The following WWOX variants were observed in gnomAD, a reference collection of about 807,000 sequenced individuals.
The protein encoded by WWOX is WW domain-containing oxidoreductase.
Under a neutral mutation model 46.2 loss-of-function variants are expected in WWOX, and 69 were observed. That is an observed-to-expected ratio of 1.49 (90% CI 1.23 to 1.82). The LOEUF (loss-of-function observed/expected upper bound fraction) is 1.82. Ranked by LOEUF, WWOX falls within the 40% of genes most tolerant of loss-of-function variation. The pLI is 0.00. For missense variants in WWOX, 919 were observed against 542.6 expected (o/e 1.69, Z -6.89); for synonymous variants, 359 against 202.6 (o/e 1.77, Z -6.56).
intron 5 of WWOX, among the ~76,000 whole-genome samples, chr16:78,192,756 ATTTG>A (rs1323987695): frequency 2.6e-5 from 4 of 152,024 alleles, no homozygotes; most frequent in African/African-American, 7.2e-5. Context: ...AAAAGTTTTT[ATTTG>A]TTTGGTGAGA....
At chr16:78,384,923 C>G (rs932039720) in intron 5 of WWOX, among the ~76,000 whole-genome samples, 2 of 152,076 alleles carry the variant, frequency 1.3e-5, no homozygotes, top group East Asian at 1.9e-4. Flanking sequence ...ATCACAAGGT[C>G]AAGAGATTGA....
rs186697141 is a variant in WWOX, at chr16:78,275,208, C to T, written c.516+110919C>T. ...AGCCTGCAGGCATGTGTTTGCTGCC[C>T]CCACCCCCACATCCTCTTTTTTTAA... On this transcript the variant is annotated intron_variant, in intron 5 of 8. Coordinates refer to ENST00000566780, the MANE Select transcript of WWOX (RefSeq NM_016373.4). Among the ~76,000 whole-genome samples the T allele has an allele frequency of 9.2e-5, 14 of 152,198 alleles. No homozygotes were observed. The East Asian group carries it at 2.7e-3, about 29-fold the overall frequency.
At chr16:79,211,034 A>AGGGTGT (rs1555547724) in intron 8 of WWOX, among the ~76,000 whole-genome samples, 64 of 149,718 alleles carry the variant, frequency 4.3e-4, no homozygotes, top group African/African-American at 1.4e-3. Flanking sequence ...TATGGTGAGG[A>AGGGTGT]GTGTGTGTGT....
At chr16:78,701,996 G>T (rs148020033) in intron 8 of WWOX, among the ~76,000 whole-genome samples, 1,302 of 94,232 alleles carry the variant, frequency 0.014, 29 homozygotes, top group African/African-American at 0.055. Flanking sequence ...ACTAGCCTGG[G>T]CTACATAAAA....
At chr16:78,429,430 A>G (rs1309276977) in intron 7 of WWOX, among the ~76,000 whole-genome samples, 1 of 152,192 alleles carries the variant, frequency 6.6e-6, no homozygotes, top group Non-Finnish European at 1.5e-5. Flanking sequence ...CATGATATCC[A>G]GCTGTGGAAG....
At chr16:78,825,705 G>T in intron 8 of WWOX, 1 of 552,792 alleles carries the variant, frequency 1.8e-6, no homozygotes, top group Non-Finnish European at 3.5e-6. Context: ...GAGACTCTGA[G>T]GACAGAGGGT....
At chr16:79,184,801 A>T (rs2050981450) in intron 8 of WWOX, among the ~76,000 whole-genome samples, 1 of 152,184 alleles carries the variant, frequency 6.6e-6, no homozygotes, top group Admixed American at 6.5e-5. Context: ...TCCTCCAGCT[A>T]ATTTAGTTCT....
chr16:78,955,305 C>T (rs781768947), intron 8 of WWOX, among the ~76,000 whole-genome samples: 5 of 152,150 alleles, frequency 3.3e-5, no homozygotes, highest in Non-Finnish European at 5.9e-5. Context: ...TTCTCCACAG[C>T]TGCACATACA....
At chr16:78,530,361 G>T (rs1451679611) in intron 8 of WWOX, among the ~76,000 whole-genome samples, 3 of 152,134 alleles carry the variant, frequency 2.0e-5, no homozygotes, top group Admixed American at 2.0e-4. Context: ...TTTTAAGGAT[G>T]GCAGATGTGG....
chr16:79,134,335 T>C (rs1186021311), intron 8 of WWOX, among the ~76,000 whole-genome samples: 1 of 151,970 alleles, frequency 6.6e-6, no homozygotes, highest in Admixed American at 6.6e-5. Context: ...GAAAGGTGGA[T>C]TTATTGGAGA....
chr16:78,354,621 T>C (rs893511870), intron 5 of WWOX, among the ~76,000 whole-genome samples: 2 of 152,162 alleles, frequency 1.3e-5, no homozygotes, highest in African/African-American at 4.8e-5. Flanking sequence ...TTCTTAAGCT[T>C]TCTGAATTCC....
chr16:78,764,033 C>G (rs2049864602), intron 8 of WWOX, among the ~76,000 whole-genome samples: 1 of 152,154 alleles, frequency 6.6e-6, no homozygotes, highest in African/African-American at 2.4e-5. Flanking sequence ...GTGGCACCAG[C>G]TGCGTAGGAT....
At chr16:78,856,338 C>G (rs1431455475) in intron 8 of WWOX, among the ~76,000 whole-genome samples, 3 of 152,114 alleles carry the variant, frequency 2.0e-5, no homozygotes, top group Non-Finnish European at 4.4e-5. Flanking sequence ...TGACTTTTAT[C>G]GAAGTAGAAG....
intron 8 of WWOX, among the ~76,000 whole-genome samples, chr16:78,466,125 A>G (rs758674932): frequency 3.0e-4 from 46 of 151,858 alleles, no homozygotes; most frequent in South Asian, 8.4e-4. Flanking sequence ...TCCGCCTCCC[A>G]GGTTAATGCC....
chr16:78,802,595 A>G (rs1022274584), intron 8 of WWOX, among the ~76,000 whole-genome samples: 2 of 152,088 alleles, frequency 1.3e-5, no homozygotes, highest in South Asian at 2.1e-4. Context: ...ATATTTGTGA[A>G]TATAGTGAGT....
intron 8 of WWOX, among the ~76,000 whole-genome samples, chr16:79,123,675 A>G (rs937702087): frequency 6.6e-6 from 1 of 152,068 alleles, no homozygotes; most frequent in Non-Finnish European, 1.5e-5. Flanking sequence ...ACCCACAGCC[A>G]ATTGCAATCT....
In WWOX at chr16:79,131,048, C is replaced by T. The variant is rs150905330; in HGVS notation, c.1057-80560C>T. On this transcript the variant is annotated intron_variant, in intron 8 of 8. Coordinates refer to ENST00000566780, the MANE Select transcript of WWOX (RefSeq NM_016373.4). ...TATCACAACCAGAACACACAATGAC[C>T]AGCAGGCTTCTCTTTTTTTGTTTGA... Among the ~76,000 whole-genome samples the T allele has an allele frequency of 6.4e-4, 98 of 152,306 alleles. No individual in the cohort carries two copies. In the Middle Eastern group the frequency reaches 0.014, roughly 21 times the overall value.
chr16:79,105,573 T>TA (rs1009127704), intron 8 of WWOX, among the ~76,000 whole-genome samples: 1 of 152,080 alleles, frequency 6.6e-6, no homozygotes, highest in African/African-American at 2.4e-5. Flanking sequence ...TTTGCTTTTA[T>TA]AAAAAAAGTC....
At chr16:78,645,573 C>T (rs1477991873) in intron 8 of WWOX, among the ~76,000 whole-genome samples, 4 of 151,966 alleles carry the variant, frequency 2.6e-5, no homozygotes, top group South Asian at 2.1e-4. Flanking sequence ...TGAAGGGGAG[C>T]CAGCATGTTC....
Sources: gnomAD v4.1 joint callset for allele counts (sites outside exome capture counted in the v4.1 genomes callset) on GRCh38, gnomAD v4.1.1 for gene constraint, MANE v1.5 for transcripts, NCBI Gene and HGNC (gene_info 2026-07-23, HGNC 2026-07-21) for gene names.